Variants in AIG1 observed in about 807,000 individuals in gnomAD.
AIG1 encodes androgen induced 1.
In AIG1, 23 loss-of-function variants were observed where a neutral mutation model predicts 31.4. The ratio of observed to expected loss-of-function variants is 0.73; its 90% confidence interval spans 0.53 to 1.04. The LOEUF (loss-of-function observed/expected upper bound fraction) is 1.04, where lower values mean the gene tolerates loss of function less well. Ranked by LOEUF, AIG1 falls within the 50% of genes least tolerant of loss-of-function variation. The pLI, the probability that AIG1 is intolerant of heterozygous loss-of-function variation, is 0.00. For synonymous variants in AIG1, 100 were observed against 110.5 expected, an observed-to-expected ratio of 0.90 and a Z score of 0.60; for missense variants, 274 against 295.0, an observed-to-expected ratio of 0.93 and a Z score of 0.52.
intron 3 of AIG1, among the ~76,000 whole-genome samples, chr6:143,227,411 A>G (rs1369836336): frequency 6.6e-6 from 1 of 152,078 alleles, no homozygotes; most frequent in Non-Finnish European, 1.5e-5. Context: ...ATTTGGCCCT[A>G]TTGGCATCAG....
In AIG1 at chr6:143,121,036, C is replaced by T. The variant is rs146821676; in HGVS notation, c.142-15799C>T. On this transcript the variant is annotated intron_variant, in intron 1 of 5. Transcript: ENST00000357847. ...ACTAGCCCAACCCATCCTTTTATTTCGGCCCATCCCTTTGTTTCCCATAAG... is the reference window on the plus strand; with the variant it reads ...ACTAGCCCAACCCATCCTTTTATTTTGGCCCATCCCTTTGTTTCCCATAAG... Among the ~76,000 whole-genome samples the T allele has an allele frequency of 1.8e-4, 28 of 152,358 alleles. 1 individual carries two copies. The East Asian group carries it at 4.8e-3, about 26-fold the overall frequency.
chr6:143,108,195 A>T (rs2128488916), intron 1 of AIG1, among the ~76,000 whole-genome samples: 1 of 152,306 alleles, frequency 6.6e-6, no homozygotes, highest in South Asian at 2.1e-4. Context: ...GCACATTGTA[A>T]CGGGTGTGAT....
At chr6:143,128,111 A>C (rs1782860206) in intron 1 of AIG1, among the ~76,000 whole-genome samples, 1 of 152,262 alleles carries the variant, frequency 6.6e-6, no homozygotes, top group East Asian at 1.9e-4. Context: ...CCTATATTAC[A>C]AACAGGAGTG....
At chr6:143,200,514 C>T (rs1029177517) in intron 3 of AIG1, among the ~76,000 whole-genome samples, 1 of 152,088 alleles carries the variant, frequency 6.6e-6, no homozygotes, top group Non-Finnish European at 1.5e-5. Context: ...GAGTTGTCAA[C>T]CCAGAATGTT....
intron 2 of AIG1, among the ~76,000 whole-genome samples, chr6:143,156,162 T>A (rs955419763): frequency 1.3e-5 from 2 of 152,206 alleles, no homozygotes; most frequent in Non-Finnish European, 2.9e-5. Context: ...TTTTGCAATT[T>A]ATCCCTCTGA....
At chr6:143,290,146 C>T (rs898160395) in intron 4 of AIG1, among the ~76,000 whole-genome samples, 1 of 152,152 alleles carries the variant, frequency 6.6e-6, no homozygotes, top group Non-Finnish European at 1.5e-5. Context: ...CAGTTCTTGC[C>T]GCCTCAGAAG....
chr6:143,285,521 G>C (rs1797625647), intron 4 of AIG1, among the ~76,000 whole-genome samples: 1 of 151,674 alleles, frequency 6.6e-6, no homozygotes, highest in African/African-American at 2.4e-5. Context: ...AAATTAGCCA[G>C]GTGTGGTGGT....
rs1798051198 is a variant in AIG1, at chr6:143,291,407, T to C, written c.515+7182T>C. Among the ~76,000 whole-genome samples, 1 of 151,802 alleles carries C rather than the reference T, an allele frequency of 6.6e-6. No individual in the cohort carries two copies. Among genetic ancestry groups the C allele is most frequent in the South Asian group, 2.1e-4 (1 of 4,794 alleles). On this transcript the variant is annotated intron_variant, in intron 4 of 5. Transcript: ENST00000357847. The surrounding 1 kb of genome is among the most constrained non-coding windows in gnomAD (Gnocchi z 4.2). ...AGAGGTCTAGCTGGAGCCAGCCAGA[T>C]CCCCCACATAAGGAAGCTCTTCATT...
At chr6:143,206,650 A>G (rs1238327945) in intron 3 of AIG1, among the ~76,000 whole-genome samples, 1 of 152,224 alleles carries the variant, frequency 6.6e-6, no homozygotes, top group South Asian at 2.1e-4. Flanking sequence ...ACAACTTGTG[A>G]GATCAGAAAG....
At position 143,256,193 on chromosome 6, in the gene AIG1, G is replaced by A. The variant is rs1795363456; in HGVS notation, c.400-27917G>A. On this transcript the variant is annotated intron_variant, in intron 3 of 5. Coordinates refer to ENST00000357847, the MANE Select transcript of AIG1 (RefSeq NM_016108.4). The surrounding 1 kb of genome is among the most constrained non-coding windows in gnomAD (Gnocchi z 4.6). ...AAACAGAAGTAAACTTCCCAACATA[G>A]GCAGTGTTGTTTAAGTCTATGTAAT... Among the ~76,000 whole-genome samples the A allele has an allele frequency of 6.6e-6, 1 of 152,266 alleles. No homozygotes were observed. The highest frequency in any genetic ancestry group is 2.1e-4 in the South Asian group (1 of 4,818).
intron 3 of AIG1, among the ~76,000 whole-genome samples, chr6:143,204,818 A>G (rs1790981148): frequency 6.6e-6 from 1 of 152,136 alleles, no homozygotes; most frequent in South Asian, 2.1e-4. Flanking sequence ...GGAGTTCCAG[A>G]AGGTGGAAAC....
intron 3 of AIG1, among the ~76,000 whole-genome samples, chr6:143,225,481 C>T (rs865907978): frequency 6.6e-6 from 1 of 151,398 alleles, no homozygotes; most frequent in Middle Eastern, 3.4e-3. Flanking sequence ...TTTAAGTAAG[C>T]AAAACTTCGT....
chr6:143,317,842 C>T (rs1775892668), intron 4 of AIG1, among the ~76,000 whole-genome samples: 1 of 152,126 alleles, frequency 6.6e-6, no homozygotes, highest in Admixed American at 6.6e-5. Flanking sequence ...CTTTTCTATA[C>T]ACCAACAGTG....
At chr6:143,164,386 G>A (rs1181264488) in intron 2 of AIG1, among the ~76,000 whole-genome samples, 2 of 152,118 alleles carry the variant, frequency 1.3e-5, no homozygotes, top group Non-Finnish European at 2.9e-5. Context: ...AATACATTGA[G>A]TACTCTACTC....
rs1017608423 is a variant in AIG1 at position 143,173,996 on chromosome 6, G to A, written c.399+8813G>A. ...GCTGTCAGTGGAGTATTGAAGTCCC[G>A]CACTATTATTGTGTTGTTGTCTATC... is the stretch of plus-strand genomic sequence containing the variant. On this transcript the variant is annotated intron_variant, in intron 3 of 5. Transcript: ENST00000357847. 4.3e-4 allele frequency among the ~76,000 whole-genome samples: 66 copies of A among 152,178 alleles called. 1 individual carries two copies. Among genetic ancestry groups the A allele is most frequent in the African/African-American group, 1.4e-3 (59 of 41,540 alleles).
chr6:143,146,143 C>A (rs1784683684), intron 2 of AIG1, among the ~76,000 whole-genome samples: 1 of 152,068 alleles, frequency 6.6e-6, no homozygotes, highest in African/African-American at 2.4e-5. Flanking sequence ...ACACCCTTCC[C>A]CCTAGAAATT....
intron 4 of AIG1, among the ~76,000 whole-genome samples, chr6:143,301,542 C>T (rs188635160): frequency 6.8e-4 from 103 of 152,286 alleles, no homozygotes; most frequent in African/African-American, 2.3e-3. Flanking sequence ...TGCAGCACTG[C>T]GGAGGCCTCA....
chr6:143,187,910 A>G (rs2128593032), intron 3 of AIG1: 1 of 1,350,034 alleles, frequency 7.4e-7, no homozygotes, highest in East Asian at 2.8e-5. Flanking sequence ...TGTTGGATGA[A>G]CATGAATTTT....
intron 3 of AIG1, among the ~76,000 whole-genome samples, chr6:143,251,017 T>C (rs540957246): frequency 1.3e-5 from 2 of 152,312 alleles, no homozygotes; most frequent in South Asian, 2.1e-4. Flanking sequence ...CTTAATTTCA[T>C]GTTTTTATCT....
Sources: allele counts gnomAD v4.1 joint callset (sites outside exome capture counted in the v4.1 genomes callset), GRCh38; gene constraint gnomAD v4.1.1; non-coding constraint Gnocchi (gnomAD v3.1); transcripts MANE v1.5; gene names NCBI Gene and HGNC (gene_info 2026-07-23, HGNC 2026-07-21).